COL23A1: variants seen among roughly 807,000 people sequenced by gnomAD.
COL23A1 encodes collagen type XXIII alpha 1 chain.
In COL23A1, 97 loss-of-function variants were observed where a neutral mutation model predicts 99.3. That is an observed-to-expected ratio of 0.98 (90% CI 0.83 to 1.16). COL23A1 has a LOEUF of 1.16. Ranked by LOEUF, COL23A1 falls within the 50% of genes most tolerant of loss-of-function variation. COL23A1 has a pLI of 0.00. For missense variants in COL23A1, 762 were observed against 757.4 expected (o/e 1.01, Z -0.07); for synonymous variants, 320 against 308.2 (o/e 1.04, Z -0.40).
intron 2 of COL23A1, chr5:178,523,427 C>CAAAAAAAAAAAAAA (rs56695333): frequency 1.1e-5 from 1 of 94,208 alleles, no homozygotes; most frequent in Non-Finnish European, 2.1e-5. Context: ...AACTCTGTCT[C>CAAAAAAAAAAAAAA]AAAAAAAAAA....
chr5:178,358,024 GTA>G (rs1251235367), intron 2 of COL23A1, among the ~76,000 whole-genome samples: 11 of 146,890 alleles, frequency 7.5e-5, no homozygotes, highest in South Asian at 2.3e-4. Flanking sequence ...GTATGTGTGT[GTA>G]TGCGTATGTG....
intron 2 of COL23A1, among the ~76,000 whole-genome samples, chr5:178,466,658 GCAGCCTGCAGCCCCTT>G (rs1756439857): frequency 2.0e-5 from 3 of 152,230 alleles, no homozygotes; most frequent in Non-Finnish European, 4.4e-5. Context: ...GGATGGCCCT[GCAGCCTGCAGCCCCTT>G]GGCCATGCTG....
At chr5:178,241,051 G>A in intron 27 of COL23A1, among the ~76,000 whole-genome samples, 1 of 152,162 alleles carries the variant, frequency 6.6e-6, no homozygotes. Context: ...GGACGACATT[G>A]CAAGACCCCA....
intron 1 of COL23A1, among the ~76,000 whole-genome samples, chr5:178,580,540 C>T (rs79877704): frequency 0.016 from 2,469 of 152,008 alleles, 37 homozygotes; most frequent in South Asian, 0.053. Context: ...ATGTTCTCTG[C>T]GTGCCTATGT....
chr5:178,427,239 G>A (rs57437305), intron 2 of COL23A1, among the ~76,000 whole-genome samples: 3,433 of 152,310 alleles, frequency 0.023, 132 homozygotes, highest in African/African-American at 0.078. Context: ...ATACCTATGA[G>A]TATGGCCAAA....
chr5:178,430,947 G>A (rs970003546), intron 2 of COL23A1, among the ~76,000 whole-genome samples: 2 of 152,066 alleles, frequency 1.3e-5, no homozygotes, highest in Non-Finnish European at 2.9e-5. Flanking sequence ...GTAAAGACAT[G>A]AGCGGCCTGC....
At chr5:178,419,102 T>C (rs550726144) in intron 2 of COL23A1, among the ~76,000 whole-genome samples, 133 of 152,282 alleles carry the variant, frequency 8.7e-4, no homozygotes, top group African/African-American at 3.0e-3. Flanking sequence ...CACCCAGGCG[T>C]TGGCACTCGC....
At chr5:178,534,972 CTTT>C (rs35460582) in intron 2 of COL23A1, among the ~76,000 whole-genome samples, 8 of 130,074 alleles carry the variant, frequency 6.2e-5, no homozygotes, top group Non-Finnish European at 9.6e-5. Context: ...TTTCCTTTTT[CTTT>C]TTTTTTTTTT....
intron 1 of COL23A1, among the ~76,000 whole-genome samples, chr5:178,585,528 C>CACTCCACGTCCCTGGTTGAT (rs1763917055): frequency 1.8e-5 from 1 of 54,408 alleles, no homozygotes; most frequent in Admixed American, 1.9e-4. Flanking sequence ...CCCTGGATGA[C>CACTCCACGTCCCTGGTTGAT]GCTGGAGTAA....
intron 13 of COL23A1, 63 bp from the exon 14 acceptor site, chr5:178,256,991 G>T (rs570385633): frequency 2.0e-6 from 3 of 1,518,406 alleles, no homozygotes; most frequent in East Asian, 2.3e-5. Context: ...TGCCTTGGAG[G>T]GGGGCGTGCC....
At chr5:178,518,472 G>A (rs1163141574) in intron 2 of COL23A1, among the ~76,000 whole-genome samples, 16 of 149,800 alleles carry the variant, frequency 1.1e-4, no homozygotes, top group Non-Finnish European at 2.1e-4. Context: ...AGTAGGGGCG[G>A]CCGGGCAGAG....
At chr5:178,437,685 T>A (rs1003903857) in intron 2 of COL23A1, among the ~76,000 whole-genome samples, 1 of 152,212 alleles carries the variant, frequency 6.6e-6, no homozygotes, top group Non-Finnish European at 1.5e-5. Flanking sequence ...CACACAGTCA[T>A]GGCCCCGTAC....
chr5:178,248,047 A>G lies in COL23A1; in HGVS notation c.1212+145T>C, dbSNP rs1764808459. 3 of 727,706 alleles carry G rather than the reference A, an allele frequency of 4.1e-6. No individual in the cohort carries two copies. In the East Asian group the frequency reaches 7.6e-5, roughly 19 times the overall value. 45.1% of individuals were successfully genotyped at this position (727,706 alleles called of 1,614,324 possible). A position where few individuals can be genotyped will look rare whatever the true frequency, so the allele number is the denominator to read the frequency against. On this transcript the variant is annotated intron_variant, in intron 20 of 28. Transcript: ENST00000390654. ...GGAGACATGGTGAGACTCTGTTCTCAGAGGGGTCTCGCTCCCCTTACTCTC... is the reference window on the plus strand; with the variant it reads ...GGAGACATGGTGAGACTCTGTTCTCGGAGGGGTCTCGCTCCCCTTACTCTC...
chr5:178,245,300 T>TCATC (rs144926160), intron 25 of COL23A1, among the ~76,000 whole-genome samples: 5,328 of 133,172 alleles, frequency 0.04, 106 homozygotes, highest in African/African-American at 0.046. Context: ...ACTGCCATCA[T>TCATC]CATCCATCCA....
At chr5:178,563,173 T>TC (rs1762688064) in intron 1 of COL23A1, among the ~76,000 whole-genome samples, 1 of 152,050 alleles carries the variant, frequency 6.6e-6, no homozygotes, top group Admixed American at 6.5e-5. Flanking sequence ...GCCCTGTAAA[T>TC]CGGAACCTGG....
At chr5:178,576,560 C>T (rs1438639139) in intron 1 of COL23A1, among the ~76,000 whole-genome samples, 1 of 152,188 alleles carries the variant, frequency 6.6e-6, no homozygotes, top group Non-Finnish European at 1.5e-5. Flanking sequence ...AAGACACACA[C>T]GGCTTCTCAG....
intron 10 of COL23A1, 116 bp downstream of exon 10, chr5:178,262,101 C>CGTG (rs1561802093): frequency 8.9e-7 from 1 of 1,124,676 alleles, no homozygotes; most frequent in African/African-American, 1.7e-5. Flanking sequence ...GAGGCGCGCG[C>CGTG]ACACACATAA....
At position 178,242,101 on chromosome 5, in the gene COL23A1, C is replaced by CT. The variant is rs1207720283; in HGVS notation, c.1521dup (p.Gly508ArgfsTer33). ...GGCTCGCCCTTCTGGCCCTTCACTC[C>CT]TTTCCGGCCGGGGACCCCTCGTTCT... On this transcript the variant is annotated frameshift_variant, in exon 27 of 29. Coordinates refer to ENST00000390654, the MANE Select transcript of COL23A1 (RefSeq NM_173465.4). LOFTEE classifies it high-confidence loss of function. The CT allele has an allele frequency of 6.4e-7, 1 of 1,553,750 alleles. No individual in the cohort carries two copies. The highest frequency in any genetic ancestry group is 2.0e-5 in the Admixed American group (1 of 51,260).
intron 2 of COL23A1, among the ~76,000 whole-genome samples, chr5:178,409,980 T>C (rs1764979861): frequency 6.6e-6 from 1 of 152,184 alleles, no homozygotes; most frequent in Non-Finnish European, 1.5e-5. Flanking sequence ...GATATAAAAA[T>C]CTGGATTTCA....
Sources: allele counts gnomAD v4.1 joint callset (sites outside exome capture counted in the v4.1 genomes callset), GRCh38; gene constraint gnomAD v4.1.1; transcripts MANE v1.5; gene names NCBI Gene and HGNC (gene_info 2026-07-23, HGNC 2026-07-21).